The following IRAG2 variants were observed in gnomAD, a reference collection of about 807,000 sequenced individuals.
The protein encoded by IRAG2 is inositol 1,4,5-triphosphate receptor associated 2.
A neutral mutation model predicts 69.9 loss-of-function variants in IRAG2; 45 were observed. The observed-to-expected ratio is 0.64, with a 90% CI of 0.51 to 0.83. IRAG2 has a LOEUF of 0.83. IRAG2 is among the 40% of genes least tolerant of loss of function. The pLI, the probability that IRAG2 is intolerant of heterozygous loss-of-function variation, is 0.00. For synonymous variants in IRAG2, 193 were observed against 202.4 expected (o/e 0.95, Z 0.40); for missense variants, 520 against 587.0 (o/e 0.89, Z 1.18).
upstream of IRAG2, chr12:25,052,287 G>A (rs1944898163): frequency 2.5e-6 from 1 of 394,054 alleles, no homozygotes; most frequent in Non-Finnish European, 4.4e-6. Flanking sequence ...TGTCAACCAG[G>A]AAGGCATCCT....
At chr12:25,006,513 AC>A (rs1944432658) in intron 2 of IRAG2, 1 of 152,260 alleles carries the variant, frequency 6.6e-6, no homozygotes, top group African/African-American at 2.4e-5. Context: ...AAAATGTGGT[AC>A]CTACACACCA....
intron 11 of IRAG2, 71 bp from the exon 12 acceptor site, chr12:25,089,543 A>C (rs764277703): frequency 2.6e-5 from 22 of 853,588 alleles, no homozygotes; most frequent in Non-Finnish European, 3.9e-5. Flanking sequence ...GTGGAGATAT[A>C]ACATTAGATC....
chr12:25,010,744 C>T (rs1461399977), intron 2 of IRAG2, among the ~76,000 whole-genome samples: 2 of 152,042 alleles, frequency 1.3e-5, no homozygotes, highest in Non-Finnish European at 2.9e-5. Flanking sequence ...ATTTTTCCCT[C>T]TCCTTTGCAA....
chr12:25,092,140 C>G (rs1948104646), intron 14 of IRAG2, among the ~76,000 whole-genome samples: 1 of 151,784 alleles, frequency 6.6e-6, no homozygotes, highest in Non-Finnish European at 1.5e-5. Flanking sequence ...TAGCGGGCGT[C>G]TGTAGTCCCA....
chr12:25,042,043 T>C (rs1287326123), intron 16 of IRAG2, among the ~76,000 whole-genome samples: 1 of 151,956 alleles, frequency 6.6e-6, no homozygotes, highest in Non-Finnish European at 1.5e-5. Flanking sequence ...AAATATTTCA[T>C]GATTAAAAAG....
chr12:25,083,556 C>G (rs1353106640), intron 10 of IRAG2, 63 bp downstream of exon 10: 4 of 948,226 alleles, frequency 4.2e-6, no homozygotes, highest in Non-Finnish European at 6.7e-6. Flanking sequence ...AACTATCCCT[C>G]TAAAAAGTAG....
At chr12:25,077,129 A>T (rs1305172271) in intron 6 of IRAG2, among the ~76,000 whole-genome samples, 2 of 144,048 alleles carry the variant, frequency 1.4e-5, no homozygotes, top group African/African-American at 5.1e-5. Flanking sequence ...GCAGCCTTCC[A>T]AAGTGTTGAG....
intron 16 of IRAG2, among the ~76,000 whole-genome samples, chr12:25,040,264 T>A (rs1202019226): frequency 6.6e-6 from 1 of 152,202 alleles, no homozygotes; most frequent in Non-Finnish European, 1.5e-5. Flanking sequence ...ATCCCAGCAC[T>A]TTGGGAAGCC....
At chr12:25,094,540 G>A (rs1402377099) in intron 14 of IRAG2, among the ~76,000 whole-genome samples, 2 of 151,922 alleles carry the variant, frequency 1.3e-5, no homozygotes, top group Non-Finnish European at 2.9e-5. Context: ...AAAGTGTTTT[G>A]GCTATTAGGG....
At chr12:25,080,853 A>G (rs906707536) in intron 9 of IRAG2, among the ~76,000 whole-genome samples, 33 of 152,182 alleles carry the variant, frequency 2.2e-4, no homozygotes, top group African/African-American at 7.5e-4. Flanking sequence ...TCATATAGAC[A>G]AAGAGGCACA....
intron 6 of IRAG2, chr12:25,017,307 G>A (rs1944538207): frequency 1.9e-5 from 24 of 1,231,966 alleles, no homozygotes; most frequent in Non-Finnish European, 2.3e-5. Context: ...GCCACAGTGG[G>A]GTCCAGTGTG....
At chr12:25,089,942 T>C in intron 13 of IRAG2, 115 bp from the exon 14 acceptor site, 1 of 1,303,938 alleles carries the variant, frequency 7.7e-7, no homozygotes, top group East Asian at 2.3e-5. Flanking sequence ...CATGTCAGCA[T>C]TATGTTGCTG....
intron 5 of IRAG2, among the ~76,000 whole-genome samples, chr12:25,066,974 G>A (rs1946025759): frequency 6.6e-6 from 1 of 152,014 alleles, no homozygotes; most frequent in South Asian, 2.1e-4. Context: ...TTGAGATAAA[G>A]TTATTGCTGT....
intron 9 of IRAG2, among the ~76,000 whole-genome samples, chr12:25,027,853 T>C (rs952842412): frequency 2.0e-5 from 3 of 152,244 alleles, no homozygotes; most frequent in African/African-American, 7.2e-5. Context: ...TGTGTACATA[T>C]GTCTTGATTT....
intron 4 of IRAG2, among the ~76,000 whole-genome samples, chr12:25,064,322 AC>A (rs1490969394): frequency 6.6e-6 from 1 of 152,188 alleles, no homozygotes; most frequent in Non-Finnish European, 1.5e-5. Flanking sequence ...AGCAAACAAA[AC>A]AAAAAAAATA....
upstream of IRAG2, among the ~76,000 whole-genome samples, chr12:25,003,336 A>C (rs1391547346): frequency 6.6e-6 from 1 of 152,166 alleles, no homozygotes; most frequent in African/African-American, 2.4e-5. Flanking sequence ...GTATTTAAAA[A>C]ATATCTGTCT....
chr12:25,087,500 A>C (rs1004989116), intron 10 of IRAG2, among the ~76,000 whole-genome samples: 2 of 152,054 alleles, frequency 1.3e-5, no homozygotes, highest in African/African-American at 4.8e-5. Context: ...TTGTTTATCT[A>C]TCTCATTTAT....
chr12:25,085,929 C>A (rs1947567128), intron 10 of IRAG2, among the ~76,000 whole-genome samples: 1 of 152,134 alleles, frequency 6.6e-6, no homozygotes, highest in Non-Finnish European at 1.5e-5. Flanking sequence ...TGCAAACCCA[C>A]AAATACAGAG....
intron 10 of IRAG2, 63 bp from the exon 11 acceptor site, chr12:25,088,037 G>C: frequency 1.6e-6 from 2 of 1,231,270 alleles, no homozygotes; most frequent in Non-Finnish European, 2.4e-6. Flanking sequence ...ACAGGAAGTA[G>C]GAAAATGACT....
Sources: gnomAD v4.1 joint callset for allele counts (sites outside exome capture counted in the v4.1 genomes callset) on GRCh38, gnomAD v4.1.1 for gene constraint, MANE v1.5 for transcripts, NCBI Gene and HGNC (gene_info 2026-07-23, HGNC 2026-07-21) for gene names.